USP28: variants seen among roughly 807,000 people sequenced by gnomAD.
USP28 encodes the protein ubiquitin carboxyl-terminal hydrolase 28.
In USP28, 113 loss-of-function variants were observed where a neutral mutation model predicts 145.0. The ratio of observed to expected loss-of-function variants is 0.78; its 90% CI spans 0.67 to 0.91. USP28 has a LOEUF of 0.91. Ranked by LOEUF, USP28 falls within the 40% of genes least tolerant of loss-of-function variation. USP28 has a pLI of 0.00. For synonymous variants in USP28, 447 were observed against 450.9 expected, an observed-to-expected ratio of 0.99 and a Z score of 0.11; for missense variants, 1,201 against 1,289.6, an observed-to-expected ratio of 0.93 and a Z score of 1.05.
intron 1 of USP28, among the ~76,000 whole-genome samples, chr11:113,861,625 T>C (rs1469089315): frequency 6.6e-6 from 1 of 152,184 alleles, no homozygotes; most frequent in East Asian, 1.9e-4. Flanking sequence ...GGGTATAAAA[T>C]GAAAAGGAAA....
At chr11:113,823,282 T>C (rs1355950810) in intron 12 of USP28, among the ~76,000 whole-genome samples, 1 of 152,130 alleles carries the variant, frequency 6.6e-6, no homozygotes, top group African/African-American at 2.4e-5. Context: ...TCGTGACACT[T>C]GCTTCTCTCA....
In USP28 at chr11:113,817,422, T is replaced by C. The variant is rs534098203; in HGVS notation, c.1463+236A>G. On this transcript the variant is annotated intron_variant, in intron 13 of 24. Coordinates refer to ENST00000003302, the Ensembl canonical transcript of USP28. ...ATCACTGGGTGGAGCCTGAACACTA[T>C]CCTGAACAGTTTGAGAAGCCTCTGA... 2.4e-3 allele frequency among the ~76,000 whole-genome samples: 373 copies of C among 152,274 alleles called. 1 individual carries two copies. Among genetic ancestry groups the C allele is most frequent in the Non-Finnish European group, 2.5e-3 (171 of 68,030 alleles).
chr11:113,826,558 C>T (rs1259037989), intron 11 of USP28, among the ~76,000 whole-genome samples: 6 of 151,624 alleles, frequency 4.0e-5, no homozygotes, highest in African/African-American at 1.5e-4. Flanking sequence ...CTGCCCTCCT[C>T]GTCCTCCCAA....
At chr11:113,806,510 C>A (rs149421503) in exon 19 of USP28, 156 of 1,612,154 alleles carry the variant, frequency 9.7e-5, no homozygotes, top group Non-Finnish European at 1.3e-4. Flanking sequence ...CTGCTTCAGA[C>A]CCATCTCGGT....
At chr11:113,799,788 T>A (rs936724555) in intron 24 of USP28, among the ~76,000 whole-genome samples, 1 of 152,102 alleles carries the variant, frequency 6.6e-6, no homozygotes, top group Non-Finnish European at 1.5e-5. Context: ...TCTTTTGGCT[T>A]CCCTGGGCCA....
intron 5 of USP28, among the ~76,000 whole-genome samples, chr11:113,834,591 T>C (rs552782174): frequency 6.6e-6 from 1 of 152,256 alleles, no homozygotes; most frequent in Admixed American, 6.5e-5. Context: ...TTGTTTTGGT[T>C]TGGTTTTGTA....
At chr11:113,835,064 C>CCAGG (rs1944420466) in intron 5 of USP28, 1 of 324,856 alleles carries the variant, frequency 3.1e-6, no homozygotes, top group African/African-American at 2.2e-5. Context: ...ATTTTTTAAG[C>CCAGG]TAGGTGGTTA....
At chr11:113,820,394 G>A (rs976105893) in intron 12 of USP28, 2 of 152,116 alleles carry the variant, frequency 1.3e-5, no homozygotes, top group South Asian at 4.1e-4. Flanking sequence ...TTAGGAATGG[G>A]ACCATATAAT....
At chr11:113,798,065 GGTTTT>G (rs1458066734) in exon 25 of USP28, 74 of 96,952 alleles carry the variant, frequency 7.6e-4, no homozygotes, top group African/African-American at 2.6e-3. Flanking sequence ...TATGTATGCT[GGTTTT>G]TTTTTTTTTT....
At chr11:113,826,278 T>C (rs1479834683) in intron 11 of USP28, among the ~76,000 whole-genome samples, 1 of 74,472 alleles carries the variant, frequency 1.3e-5, no homozygotes, top group Non-Finnish European at 3.3e-5. Flanking sequence ...GCAAGACTCC[T>C]TCTCAAAAAA....
intron 13 of USP28, among the ~76,000 whole-genome samples, chr11:113,816,807 C>T (rs1941809555): frequency 6.6e-6 from 1 of 152,004 alleles, no homozygotes; most frequent in African/African-American, 2.4e-5. Context: ...TCTATTTTTA[C>T]AAAAATTAAA....
At chr11:113,833,316 T>C in intron 7 of USP28, 104 bp downstream of exon 7, 3 of 1,464,478 alleles carry the variant, frequency 2.0e-6, no homozygotes, top group East Asian at 4.6e-5. Flanking sequence ...TCCATAGTCC[T>C]GCTTAGTCAT....
intron 3 of USP28, among the ~76,000 whole-genome samples, chr11:113,846,943 C>T (rs754033084): frequency 5.3e-5 from 8 of 151,826 alleles, no homozygotes; most frequent in East Asian, 1.9e-4. Flanking sequence ...TGCAGTGAGC[C>T]GAGATCACAC....
At chr11:113,815,055 G>C (rs557872961) in intron 14 of USP28, 119 bp downstream of exon 14, 1 of 876,288 alleles carries the variant, frequency 1.1e-6, no homozygotes, top group East Asian at 2.7e-5. Context: ...CCATCTCGGC[G>C]GGGGGGAAAT....
At chr11:113,804,585 A>T in intron 21 of USP28, 88 bp downstream of exon 22, 2 of 1,194,446 alleles carry the variant, frequency 1.7e-6, no homozygotes, top group East Asian at 4.7e-5. Context: ...TCAGTTTGTA[A>T]TAGCACAAAA....
intron 1 of USP28, among the ~76,000 whole-genome samples, chr11:113,863,007 C>T (rs1947862224): frequency 6.6e-6 from 1 of 152,182 alleles, no homozygotes; most frequent in Non-Finnish European, 1.5e-5. Context: ...TTCACCACTG[C>T]TATTCAACAC....
At chr11:113,861,864 A>T (rs1366050563) in intron 1 of USP28, among the ~76,000 whole-genome samples, 2 of 152,244 alleles carry the variant, frequency 1.3e-5, no homozygotes, top group Non-Finnish European at 2.9e-5. Context: ...CATATCGAAC[A>T]CATCTCCAAA....
chr11:113,869,099 T>A (rs1283478998), intron 1 of USP28, among the ~76,000 whole-genome samples: 1 of 151,908 alleles, frequency 6.6e-6, no homozygotes, highest in Non-Finnish European at 1.5e-5. Context: ...GAGACCAGCC[T>A]GGGCAACACA....
At position 113,831,216 on chromosome 11, in the gene USP28, C is replaced by T. The variant is rs45587234; in HGVS notation, c.834-273G>A. Among the ~76,000 whole-genome samples the T allele has an allele frequency of 5.0e-3, 762 of 152,212 alleles. 7 individuals are homozygous for T. Among genetic ancestry groups the T allele is most frequent in the Non-Finnish European group, 8.7e-3 (591 of 68,028 alleles). On this transcript the variant is annotated intron_variant, in intron 8 of 24. Coordinates refer to ENST00000003302, the Ensembl canonical transcript of USP28. ...CTAATAGTGGAGTCACACATGCAGACAAATATGCTTTCAGTATATACATCT... is the reference window on the plus strand; with the variant it reads ...CTAATAGTGGAGTCACACATGCAGATAAATATGCTTTCAGTATATACATCT...
Sources: gnomAD v4.1 joint callset for allele counts (sites outside exome capture counted in the v4.1 genomes callset) on GRCh38, gnomAD v4.1.1 for gene constraint, MANE v1.5 for transcripts, NCBI Gene and HGNC (gene_info 2026-07-23, HGNC 2026-07-21) for gene names.